Variants in LOXL2 observed in about 807,000 individuals in gnomAD.
The protein encoded by LOXL2 is lysyl oxidase homolog 2.
A neutral mutation model predicts 93.0 loss-of-function variants in LOXL2; 70 were observed. The ratio of observed to expected loss-of-function variants is 0.75; its 90% confidence interval spans 0.62 to 0.92. The LOEUF (loss-of-function observed/expected upper bound fraction) is 0.92. Ranked by LOEUF, LOXL2 falls within the 40% of genes least tolerant of loss-of-function variation. LOXL2 has a pLI of 0.00. For missense variants in LOXL2, 973 were observed against 1,054.9 expected, an observed-to-expected ratio of 0.92 and a Z score of 1.08; for synonymous variants, 438 against 413.2, an observed-to-expected ratio of 1.06 and a Z score of -0.73.
intron 9 of LOXL2, among the ~76,000 whole-genome samples, chr8:23,310,553 T>C (rs985556512): frequency 6.6e-6 from 1 of 152,268 alleles, no homozygotes; most frequent in African/African-American, 2.4e-5. Flanking sequence ...TTTTTAGATA[T>C]ATTGGCTGTT....
rs533191917 is a variant in LOXL2, at chr8:23,373,234, T to C, written c.-83-4800A>G. On this transcript the variant is annotated intron_variant, in intron 1 of 13. Coordinates refer to ENST00000389131, the MANE Select transcript of LOXL2 (RefSeq NM_002318.3). ...GTAGAGGTCTTCTTTCCCATGGAGC[T>C]GACTGCCTAGCTGGAGTTCGCCTAC... is the stretch of plus-strand genomic sequence containing the variant. 2.0e-5 allele frequency among the ~76,000 whole-genome samples: 3 copies of C among 152,316 alleles called. No homozygotes were observed. The South Asian group carries it at 6.2e-4, about 32-fold the overall frequency.
intron 8 of LOXL2, among the ~76,000 whole-genome samples, chr8:23,317,332 C>T (rs1803419587): frequency 6.6e-6 from 1 of 152,196 alleles, no homozygotes; most frequent in African/African-American, 2.4e-5. Flanking sequence ...GACTCTGTCA[C>T]TCTCTCCCTC....
chr8:23,305,706 A>C (rs919407288), intron 10 of LOXL2, among the ~76,000 whole-genome samples: 1 of 152,194 alleles, frequency 6.6e-6, no homozygotes. Flanking sequence ...AGGAAAATCC[A>C]GAACGCTAAG....
At chr8:23,378,271 A>G (rs1350966761) in intron 1 of LOXL2, among the ~76,000 whole-genome samples, 1 of 151,852 alleles carries the variant, frequency 6.6e-6, no homozygotes. Context: ...ATTGGCCCCC[A>G]CTCTCTTCTG....
At position 23,316,972 on chromosome 8, in the gene LOXL2, C is replaced by A. The variant is rs1282848754; in HGVS notation, c.1613G>T (p.Gly538Val). The A allele has an allele frequency of 6.2e-7, 1 of 1,609,662 alleles. No individual in the cohort carries two copies. The highest frequency in any genetic ancestry group is 2.2e-5 in the East Asian group (1 of 44,746). The change falls in exon 9 of 14, where the codon GGG becomes GTG. Residue 538 changes from glycine (G) to valine (V), a missense_variant. By Grantham distance (109) the Gly-to-Val change is moderately radical (BLOSUM62 -3). Coordinates refer to ENST00000389131, the MANE Select transcript of LOXL2 (RefSeq NM_002318.3). Reference sequence around the variant, plus strand: ...ACTTTCTGAGCAGGCAACTCCGGCCCCGTACTGCACTCCGCCCTGGGGGCA... The same window carrying A: ...ACTTTCTGAGCAGGCAACTCCGGCCACGTACTGCACTCCGCCCTGGGGGCA... The part of the protein sequence containing the change: ...VACPQGGVQY[G>V]AGVACSETAP...
intron 7 of LOXL2, among the ~76,000 whole-genome samples, chr8:23,321,552 C>G (rs1412936921): frequency 6.6e-6 from 1 of 152,198 alleles, no homozygotes; most frequent in Non-Finnish European, 1.5e-5. Context: ...TATGGGACCT[C>G]ATGGTCAGCC....
chr8:23,341,227 G>A (rs1475064045), intron 3 of LOXL2, 24 bp from the exon 4 acceptor site: 6 of 1,587,808 alleles, frequency 3.8e-6, no homozygotes, highest in Non-Finnish European at 5.2e-6. Flanking sequence ...GGCGTGGAAG[G>A]AGAGGGTTAC....
At chr8:23,350,335 T>C (rs35532077) in intron 3 of LOXL2, among the ~76,000 whole-genome samples, 74,210 of 151,680 alleles carry the variant, frequency 0.49, 19,481 homozygotes, top group African/African-American at 0.7. Context: ...TCTCAACACT[T>C]TGGGAGGCCG....
In LOXL2 at chr8:23,298,036, G is replaced by A. The variant is rs760666026; in HGVS notation, c.*7C>T. ...CCTGAAGACAGGAGTTGACCACGCA[G>A]GCTTCTTTACTGCGGGGACAGCTGG... On this transcript the variant is annotated 3_prime_UTR_variant, in exon 14 of 14. Coordinates refer to ENST00000389131, the MANE Select transcript of LOXL2 (RefSeq NM_002318.3). 13 of 1,612,862 alleles carry A rather than the reference G, an allele frequency of 8.1e-6. No individual in the cohort carries two copies. The highest frequency in any genetic ancestry group is 1.1e-5 in the Non-Finnish European group (13 of 1,179,426).
chr8:23,366,533 CAA>C (rs1804404004), intron 2 of LOXL2, among the ~76,000 whole-genome samples: 1 of 152,208 alleles, frequency 6.6e-6, no homozygotes, highest in Non-Finnish European at 1.5e-5. Flanking sequence ...TGCAGACTTC[CAA>C]AAGAGACAGA....
In LOXL2 at chr8:23,328,406, C is replaced by A; in HGVS notation, c.1126G>T (p.Val376Phe). The A allele has an allele frequency of 6.2e-7, 1 of 1,614,042 alleles. No homozygotes were observed. The highest frequency in any genetic ancestry group is 8.5e-7 in the Non-Finnish European group (1 of 1,180,012). ...CCTTGCCCCAGTCGGGAGCCAGTGA[C>A]TGCCTCTTTGGCACTCCCAAAGCCC... Reference protein sequence around the residue: ...ELGFGSAKEAVTGSRLGQGIG... With the variant: ...ELGFGSAKEAFTGSRLGQGIG... The change falls in exon 6 of 14, where the codon GTC becomes TTC. Residue 376 changes from valine (V) to phenylalanine (F), a missense_variant. Coordinates refer to ENST00000389131, the MANE Select transcript of LOXL2 (RefSeq NM_002318.3).
At chr8:23,385,678 T>C (rs1804748953) in intron 1 of LOXL2, 1 of 499,904 alleles carries the variant, frequency 2.0e-6, no homozygotes, top group East Asian at 3.5e-5. Context: ...TATTTCATCC[T>C]CTCGTCTGGA....
intron 3 of LOXL2, among the ~76,000 whole-genome samples, chr8:23,356,513 C>T (rs1042380698): frequency 4.6e-5 from 7 of 152,208 alleles, no homozygotes; most frequent in African/African-American, 1.7e-4. Flanking sequence ...GAGCCTTAGC[C>T]ACAAAGCCCT....
At chr8:23,381,988 G>T (rs1485953882) in intron 1 of LOXL2, among the ~76,000 whole-genome samples, 1 of 152,240 alleles carries the variant, frequency 6.6e-6, no homozygotes, top group Non-Finnish European at 1.5e-5. Flanking sequence ...CCCTCATTCT[G>T]GGAAAGACAG....
At chr8:23,395,432 C>T (rs1007146961) in intron 1 of LOXL2, among the ~76,000 whole-genome samples, 17 of 151,226 alleles carry the variant, frequency 1.1e-4, no homozygotes, top group East Asian at 1.9e-4. Context: ...GGAGGATAGG[C>T]GGTGGTGGCT....
Position 23,368,371 on chromosome 8 carries a change from A to G in LOXL2, c.-20T>C, listed in dbSNP as rs780486692. ...CTCCATCCCTGTCTTCGGGCTGATG[A>G]TCCCACGAAGGGGCCCTGCGCAGCT... On this transcript the variant is annotated 5_prime_UTR_variant, in exon 2 of 14. Transcript: ENST00000389131. 2.5e-6 allele frequency: 4 copies of G among 1,602,734 alleles called. No individual in the cohort carries two copies. The highest frequency in any genetic ancestry group is 2.2e-5 in the South Asian group (2 of 90,962).
Position 23,348,408 on chromosome 8 carries a change from C to CA in LOXL2, c.532-7206dup, listed in dbSNP as rs970042222. ...TACCCTAGAACTTAAAGTATAATAA[C>CA]AAAAAAAAAAATTAGCTGGGCACGG... On this transcript the variant is annotated intron_variant, in intron 3 of 13. Transcript: ENST00000389131. Among the ~76,000 whole-genome samples the CA allele has an allele frequency of 1.7e-3, 247 of 145,830 alleles. 2 individuals carry two copies. Among genetic ancestry groups the CA allele is most frequent in the Middle Eastern group, 0.011 (3 of 284 alleles).
At chr8:23,391,289 A>G (rs1055248251) in intron 1 of LOXL2, among the ~76,000 whole-genome samples, 2 of 152,228 alleles carry the variant, frequency 1.3e-5, no homozygotes, top group African/African-American at 4.8e-5. Context: ...AAGATAACAC[A>G]TAACAATTGG....
rs561486932 is a variant in LOXL2 at position 23,304,145 on chromosome 8, G to T, written c.1881-748C>A. Among the ~76,000 whole-genome samples, 55 of 152,362 alleles carry T rather than the reference G, an allele frequency of 3.6e-4. 1 individual carries two copies. The highest frequency in any genetic ancestry group is 6.6e-4 in the Non-Finnish European group (45 of 68,046). On this transcript the variant is annotated intron_variant, in intron 10 of 13. Transcript: ENST00000389131. ...GGGGCACACAGCAGCGGCAAAGGGA[G>T]GCACGTCCCCGGGGGTTCCAGAAAA...
Sources: gnomAD v4.1 joint callset for allele counts (sites outside exome capture counted in the v4.1 genomes callset) on GRCh38, gnomAD v4.1.1 for gene constraint, MANE v1.5 for transcripts, NCBI Gene and HGNC (gene_info 2026-07-23, HGNC 2026-07-21) for gene names.